SCN2A: variants seen among roughly 807,000 people sequenced by gnomAD.
SCN2A encodes sodium channel protein type 2 subunit alpha.
A neutral mutation model predicts 188.7 loss-of-function variants in SCN2A; 20 were observed. That is an observed-to-expected ratio of 0.11 (90% confidence interval 0.07 to 0.15). The LOEUF (loss-of-function observed/expected upper bound fraction) is 0.15. Among genes scored for constraint, SCN2A ranks in the 10% least tolerant of loss-of-function variants. The probability of loss-of-function intolerance (pLI) is 1.00; values close to 1 mark genes in which losing one functional copy is unlikely to be tolerated. For missense variants in SCN2A, 1,278 were observed against 2,445.0 expected, an observed-to-expected ratio of 0.52 and a Z score of 10.07; for synonymous variants, 804 against 833.1, an observed-to-expected ratio of 0.97 and a Z score of 0.60.
At chr2:165,383,037 A>G (rs1289361890) in intron 25 of SCN2A, among the ~76,000 whole-genome samples, 2 of 152,154 alleles carry the variant, frequency 1.3e-5, no homozygotes, top group South Asian at 2.1e-4. Context: ...ATCAGTGTCA[A>G]TTTGGCAATT....
chr2:165,286,798 T>G (rs1165318890), intron 1 of SCN2A, among the ~76,000 whole-genome samples: 1 of 152,178 alleles, frequency 6.6e-6, no homozygotes, highest in Non-Finnish European at 1.5e-5. Flanking sequence ...CTCTGGAAAT[T>G]TTTCCAATTA....
At chr2:165,317,981 G>A (rs1316027318) in intron 11 of SCN2A, among the ~76,000 whole-genome samples, 2 of 152,012 alleles carry the variant, frequency 1.3e-5, no homozygotes, top group African/African-American at 4.8e-5. Context: ...AGAAAACCCT[G>A]AAATCACACC....
chr2:165,323,126 C>G (rs555953391), intron 11 of SCN2A, 30 bp from the exon 12 acceptor site: 2 of 1,594,260 alleles, frequency 1.3e-6, no homozygotes, highest in African/African-American at 2.7e-5. Context: ...CTCTTCATCT[C>G]ATTTTTGTTT....
rs1034634307 is a variant in SCN2A at position 165,390,078 on chromosome 2, A to G, written c.*254A>G. 21 of 495,172 alleles carry G rather than the reference A, an allele frequency of 4.2e-5. No individual in the cohort carries two copies. Among genetic ancestry groups the G allele is most frequent in the Non-Finnish European group, 6.3e-5 (18 of 285,814 alleles). 30.7% of individuals were successfully genotyped at this position (495,172 alleles called of 1,614,324 possible). A position where few individuals can be genotyped will look rare whatever the true frequency, so the allele number is the denominator to read the frequency against. Reference sequence around the variant, plus strand: ...TGACACTGCTGAAGAGCAGAGGCGTAATGGCTACTCAGACGATAGGAACCA... The same window carrying G: ...TGACACTGCTGAAGAGCAGAGGCGTGATGGCTACTCAGACGATAGGAACCA... On this transcript the variant is annotated 3_prime_UTR_variant, in exon 27 of 27. Transcript: ENST00000375437.
intron 12 of SCN2A, among the ~76,000 whole-genome samples, chr2:165,326,568 A>G (rs993401943): frequency 2.6e-5 from 4 of 152,180 alleles, no homozygotes; most frequent in African/African-American, 9.7e-5. Context: ...TGAAATGCTA[A>G]AAGGTTATCT....
chr2:165,247,852 A>G lies in SCN2A; in HGVS notation c.-52+8212A>G, dbSNP rs77014335. Among the ~76,000 whole-genome samples, 949 of 152,278 alleles carry G rather than the reference A, an allele frequency of 6.2e-3. 14 individuals carry two copies. Among genetic ancestry groups the G allele is most frequent in the African/African-American group, 0.017 (725 of 41,552 alleles). ...ATCTAGAAGACACTGAAAAGTTAACATCCCTAAACTAAATTTCGGATAGTT... is the reference window on the plus strand; with the variant it reads ...ATCTAGAAGACACTGAAAAGTTAACGTCCCTAAACTAAATTTCGGATAGTT... On this transcript the variant is annotated intron_variant, in intron 1 of 26. Transcript: ENST00000375437.
intron 3 of SCN2A, among the ~76,000 whole-genome samples, chr2:165,297,556 A>G (rs1334912551): frequency 2.0e-5 from 3 of 152,198 alleles, no homozygotes; most frequent in African/African-American, 4.8e-5. Flanking sequence ...ACAATTTTGT[A>G]TGTTTTTGGT....
At chr2:165,276,846 C>G (rs561008394) in intron 1 of SCN2A, among the ~76,000 whole-genome samples, 48 of 152,206 alleles carry the variant, frequency 3.2e-4, no homozygotes, top group African/African-American at 1.1e-3. Flanking sequence ...GTTGAGTTAT[C>G]TCTAATCCAG....
chr2:165,335,280 A>G (rs886083429), intron 14 of SCN2A, among the ~76,000 whole-genome samples: 2 of 151,740 alleles, frequency 1.3e-5, no homozygotes, highest in African/African-American at 2.4e-5. Flanking sequence ...TGAAAATGCA[A>G]GAGACTATAT....
chr2:165,298,824 G>T (rs887882766), intron 3 of SCN2A, among the ~76,000 whole-genome samples: 3 of 151,898 alleles, frequency 2.0e-5, no homozygotes, highest in African/African-American at 7.3e-5. Flanking sequence ...ATAAAATTAC[G>T]TGGAAAATTC....
At chr2:165,316,708 G>A (rs530672529) in intron 11 of SCN2A, among the ~76,000 whole-genome samples, 2 of 152,258 alleles carry the variant, frequency 1.3e-5, no homozygotes, top group South Asian at 2.1e-4. Flanking sequence ...AGAGAAGCAG[G>A]GGGCTGCATT....
At chr2:165,303,427 C>T (rs529198294) in intron 3 of SCN2A, among the ~76,000 whole-genome samples, 8 of 152,022 alleles carry the variant, frequency 5.3e-5, no homozygotes, top group Middle Eastern at 3.4e-3. Context: ...AGGCGCCCGC[C>T]ACCACGCCCG....
chr2:165,346,491 A>C (rs183134779), intron 16 of SCN2A, among the ~76,000 whole-genome samples: 2 of 152,286 alleles, frequency 1.3e-5, no homozygotes, highest in East Asian at 3.9e-4. Flanking sequence ...AAGACCTAAA[A>C]CCATAAAAAC....
At chr2:165,305,438 C>A (rs10497259) in intron 3 of SCN2A, among the ~76,000 whole-genome samples, 1 of 151,864 alleles carries the variant, frequency 6.6e-6, no homozygotes. Flanking sequence ...GTTTGTTGAG[C>A]AATGTTTGTT....
At chr2:165,245,628 A>G (rs1163885053) in intron 1 of SCN2A, among the ~76,000 whole-genome samples, 1 of 152,126 alleles carries the variant, frequency 6.6e-6, no homozygotes, top group African/African-American at 2.4e-5. Flanking sequence ...CTATTTCCTG[A>G]ATTAACAGTC....
chr2:165,337,320 G>A (rs2105305095), intron 14 of SCN2A, among the ~76,000 whole-genome samples: 1 of 152,036 alleles, frequency 6.6e-6, no homozygotes, highest in Non-Finnish European at 1.5e-5. Context: ...ACTATAATAT[G>A]GGATAATATC....
Position 165,275,483 on chromosome 2 carries a change from A to G in SCN2A, c.-51-20290A>G, listed in dbSNP as rs544935200. 3.3e-5 allele frequency among the ~76,000 whole-genome samples: 5 copies of G among 152,326 alleles called. No individual in the cohort carries two copies. The South Asian group carries it at 1.0e-3, about 32-fold the overall frequency. On this transcript the variant is annotated intron_variant, in intron 1 of 26. Transcript: ENST00000375437. ...CTGGGTTACCTAGAATATAAGCTCC[A>G]CAAGGGCAAGGTTTTGTCTGTTTGG... is the stretch of plus-strand genomic sequence containing the variant.
At chr2:165,277,888 T>C (rs550742367) in intron 1 of SCN2A, among the ~76,000 whole-genome samples, 1 of 152,352 alleles carries the variant, frequency 6.6e-6, no homozygotes, top group Admixed American at 6.5e-5. Flanking sequence ...TTAATGAATA[T>C]CTACTTTCTG....
Position 165,366,687 on chromosome 2 carries a change from C to T in SCN2A, c.3521-530C>T, listed in dbSNP as rs181086080. 4.4e-3 allele frequency among the ~76,000 whole-genome samples: 595 copies of T among 135,206 alleles called. 2 individuals carry two copies. Among genetic ancestry groups the T allele is most frequent in the African/African-American group, 0.014 (490 of 35,570 alleles). The allele number at this position is 135,206 out of a possible 152,430, so 88.7% of individuals were successfully genotyped here. ...GAGCCGAGGTCAGGCCACTGCACTC[C>T]AGCCCGGACAATAGAGTGAGACTCC... On this transcript the variant is annotated intron_variant, in intron 18 of 26. Transcript: ENST00000375437.
Sources: allele counts gnomAD v4.1 joint callset (sites outside exome capture counted in the v4.1 genomes callset), GRCh38; gene constraint gnomAD v4.1.1; transcripts MANE v1.5; gene names NCBI Gene and HGNC (gene_info 2026-07-23, HGNC 2026-07-21).